ACVR2A: variants seen among roughly 807,000 people sequenced by gnomAD.
ACVR2A encodes activin A receptor type 2A, also known as activin receptor type-2A.
ACVR2A carries 7 observed loss-of-function variants against 61.4 expected under a neutral mutation model. That is an observed-to-expected ratio of 0.11 (90% CI 0.06 to 0.21). The LOEUF (loss-of-function observed/expected upper bound fraction) is 0.21. Among genes scored for constraint, ACVR2A ranks in the 10% least tolerant of loss-of-function variants. ACVR2A has a pLI of 1.00. For synonymous variants in ACVR2A, 193 were observed against 208.3 expected (o/e 0.93, Z 0.63); for missense variants, 322 against 621.7 (o/e 0.52, Z 5.13).
At position 147,856,586 on chromosome 2, in the gene ACVR2A, A is replaced by C. The variant is rs76343413; in HGVS notation, c.55+11379A>C. On this transcript the variant is annotated intron_variant, in intron 1 of 10. Coordinates refer to ENST00000241416, the MANE Select transcript of ACVR2A (RefSeq NM_001616.5). ...TACAGTTTGCTAATTAATTTTATATAACCTAAGACTCAAAATGAACTTGTA... is the reference window on the plus strand; with the variant it reads ...TACAGTTTGCTAATTAATTTTATATCACCTAAGACTCAAAATGAACTTGTA... Among the ~76,000 whole-genome samples, 59 of 152,260 alleles carry C rather than the reference A, an allele frequency of 3.9e-4. No individual in the cohort carries two copies. The East Asian group carries it at 8.3e-3, about 21-fold the overall frequency.
At chr2:147,925,404 T>A (rs934361644) in intron 9 of ACVR2A, among the ~76,000 whole-genome samples, 1 of 151,940 alleles carries the variant, frequency 6.6e-6, no homozygotes, top group Non-Finnish European at 1.5e-5. Flanking sequence ...AAAAAAGGAA[T>A]TATTTATGTT....
rs1014769423 is a variant in ACVR2A, at chr2:147,920,362, A to T, written c.1077+18A>T. The T allele has an allele frequency of 3.9e-6, 6 of 1,544,470 alleles. No homozygotes were observed. Among genetic ancestry groups the T allele is most frequent in the Non-Finnish European group, 5.3e-6 (6 of 1,126,238 alleles). On this transcript the variant is annotated intron_variant, in intron 8 of 10. Coordinates refer to ENST00000241416, the MANE Select transcript of ACVR2A (RefSeq NM_001616.5). ...ATGGACAGGTAAGGATGATGATTAT[A>T]AAATGTAAGAAAAAATAAACTTGTT...
At chr2:147,851,638 A>G (rs1255864969) in intron 1 of ACVR2A, among the ~76,000 whole-genome samples, 3 of 151,960 alleles carry the variant, frequency 2.0e-5, no homozygotes, top group Non-Finnish European at 4.4e-5. Flanking sequence ...CTTTAGAAAC[A>G]TTTTCTCTGT....
intron 1 of ACVR2A, among the ~76,000 whole-genome samples, chr2:147,884,920 A>G (rs1331549618): frequency 6.6e-6 from 1 of 152,138 alleles, no homozygotes; most frequent in Non-Finnish European, 1.5e-5. Flanking sequence ...GCTATACCCA[A>G]TACTACAGAA....
intron 1 of ACVR2A, among the ~76,000 whole-genome samples, chr2:147,849,595 T>G (rs1255501198): frequency 6.6e-6 from 1 of 152,222 alleles, no homozygotes; most frequent in Non-Finnish European, 1.5e-5. Context: ...ATCTTGACCA[T>G]AATTAATAAA....
At chr2:147,853,453 A>T (rs1184344027) in intron 1 of ACVR2A, among the ~76,000 whole-genome samples, 2 of 152,044 alleles carry the variant, frequency 1.3e-5, no homozygotes, top group Admixed American at 1.3e-4. Context: ...ACACTGTTCT[A>T]AGGAAGTAGA....
intron 1 of ACVR2A, among the ~76,000 whole-genome samples, chr2:147,859,368 G>T (rs1685668826): frequency 1.3e-5 from 2 of 151,984 alleles, no homozygotes. Context: ...TTCTGTGTGT[G>T]ATTAGAGAGG....
chr2:147,853,343 A>G (rs920767250), intron 1 of ACVR2A, among the ~76,000 whole-genome samples: 5 of 152,080 alleles, frequency 3.3e-5, no homozygotes, highest in African/African-American at 9.6e-5. Flanking sequence ...GTGGCTCAAT[A>G]TGTTGTTTAT....
At chr2:147,849,305 G>A (rs1310498030) in intron 1 of ACVR2A, among the ~76,000 whole-genome samples, 1 of 152,152 alleles carries the variant, frequency 6.6e-6, no homozygotes, top group Non-Finnish European at 1.5e-5. Flanking sequence ...TCATTGGGCT[G>A]CCTTATGGCG....
intron 7 of ACVR2A, among the ~76,000 whole-genome samples, chr2:147,919,935 TGGTA>T (rs1404574153): frequency 2.0e-5 from 3 of 152,136 alleles, no homozygotes; most frequent in African/African-American, 4.8e-5. Flanking sequence ...GTTTTATGAT[TGGTA>T]GGTGGGTGAC....
rs1243068980 is a variant in ACVR2A at position 147,904,911 on chromosome 2, AC to A, written c.528+5014del. Among the ~76,000 whole-genome samples, 5 of 152,218 alleles carry A rather than the reference AC, an allele frequency of 3.3e-5. No homozygotes were observed. The East Asian group carries it at 9.6e-4, about 29-fold the overall frequency. On this transcript the variant is annotated intron_variant, in intron 4 of 10. Coordinates refer to ENST00000241416, the MANE Select transcript of ACVR2A (RefSeq NM_001616.5). ...AATATGCTAATAACAAGTTATACTT[AC>A]AAAATATTACATTCATAGAAACATG...
At chr2:147,855,160 G>A (rs1685539376) in intron 1 of ACVR2A, among the ~76,000 whole-genome samples, 1 of 152,170 alleles carries the variant, frequency 6.6e-6, no homozygotes, top group African/African-American at 2.4e-5. Flanking sequence ...GATTACAGGT[G>A]TGAGCCACCG....
upstream of ACVR2A, chr2:147,844,594 ACCG>A: frequency 6.1e-5 from 9 of 146,488 alleles, no homozygotes; most frequent in Non-Finnish European, 1.2e-4. Flanking sequence ...CGCCGCCTGC[ACCG>A]CCGCCGCCGC....
chr2:147,883,354 C>T (rs186576774), intron 1 of ACVR2A, among the ~76,000 whole-genome samples: 2 of 152,250 alleles, frequency 1.3e-5, no homozygotes, highest in African/African-American at 4.8e-5. Flanking sequence ...CCACACCCAG[C>T]TAATTTTTGT....
In ACVR2A at chr2:147,929,916, G is replaced by C. The variant is rs948858569; in HGVS notation, c.*2642G>C. The C allele has an allele frequency of 6.6e-6, 1 of 152,400 alleles. No individual in the cohort carries two copies. Among genetic ancestry groups the C allele is most frequent in the Non-Finnish European group, 1.5e-5 (1 of 68,014 alleles). The allele number at this position is 152,400 out of a possible 1,614,324, so 9.4% of individuals were successfully genotyped here. ...CTCTTTACCTTGCCCAGATCTCCGC[G>C]TAAGGAATGCTTTATGATCAACTTG... On this transcript the variant is annotated 3_prime_UTR_variant, in exon 11 of 11. Transcript: ENST00000241416.
chr2:147,845,000 G>GTTTTTTTT (rs368783685), upstream of ACVR2A: 141 of 109,424 alleles, frequency 1.3e-3, 55 homozygotes, highest in African/African-American at 8.8e-3. Context: ...CCCAGTGAGC[G>GTTTTTTTT]TTTTTTTTTT....
At chr2:147,905,636 C>G (rs1686971533) in intron 4 of ACVR2A, among the ~76,000 whole-genome samples, 1 of 151,782 alleles carries the variant, frequency 6.6e-6, no homozygotes, top group Non-Finnish European at 1.5e-5. Context: ...TGTGTCCTAC[C>G]TTGGTGTGTG....
In ACVR2A at chr2:147,926,071, T is replaced by C. The variant is rs767985882; in HGVS notation, c.1257T>C (p.Ile419=). 10 of 1,611,886 alleles carry C rather than the reference T, an allele frequency of 6.2e-6. No homozygotes were observed. In the African/African-American group the frequency reaches 1.3e-4, roughly 22 times the overall value. ...ACATGTTGCCATTTGAGGAGGAAAT[T>C]GGCCAGCATCCATCTCTTGAAGACA... is the stretch of plus-strand genomic sequence containing the variant. ...DEYMLPFEEE[I]GQHPSLEDMQ... is the part of the protein sequence containing the mutation. The change falls in exon 10 of 11, where the codon ATT becomes ATC. Residue 419 remains isoleucine, a synonymous_variant. Transcript: ENST00000241416.
chr2:147,900,513 CTTGA>C (rs2105195273), intron 4 of ACVR2A: 1 of 152,096 alleles, frequency 6.6e-6, no homozygotes, highest in South Asian at 2.1e-4. Flanking sequence ...TTTTAAGGCT[CTTGA>C]TTGTCACACA....
Sources: allele counts gnomAD v4.1 joint callset (sites outside exome capture counted in the v4.1 genomes callset), GRCh38; gene constraint gnomAD v4.1.1; transcripts MANE v1.5; gene names NCBI Gene and HGNC (gene_info 2026-07-23, HGNC 2026-07-21).